Variants in ATP6V1E1 observed in about 807,000 individuals in gnomAD.
ATP6V1E1 encodes V-type proton ATPase subunit E 1.
Under a neutral mutation model 35.2 loss-of-function variants are expected in ATP6V1E1, and 21 were observed. The observed-to-expected ratio is 0.60, with a 90% CI of 0.42 to 0.86. The LOEUF (loss-of-function observed/expected upper bound fraction) is 0.86, where lower values mean the gene tolerates loss of function less well. Among genes scored for constraint, ATP6V1E1 ranks in the 40% least tolerant of loss-of-function variants. The pLI, the probability that ATP6V1E1 is intolerant of heterozygous loss-of-function variation, is 0.00. For synonymous variants in ATP6V1E1, 83 were observed against 87.8 expected (o/e 0.95, Z 0.30); for missense variants, 183 against 272.6 (o/e 0.67, Z 2.32).
chr22:17,613,113 CGAGTT>C, intron 3 of ATP6V1E1, 93 bp downstream of exon 3: 1 of 1,033,836 alleles, frequency 9.7e-7, no homozygotes, highest in Non-Finnish European at 1.4e-6. Flanking sequence ...AGTAGGTGGT[CGAGTT>C]AAGACCTGAA....
intron 4 of ATP6V1E1, among the ~76,000 whole-genome samples, chr22:17,610,422 T>C (rs779767395): frequency 6.6e-6 from 1 of 152,210 alleles, no homozygotes; most frequent in Non-Finnish European, 1.5e-5. Flanking sequence ...CATCAGAGAA[T>C]GTATCATCAA....
rs370275733 is a variant in ATP6V1E1 at position 17,601,084 on chromosome 22, G to A, written c.366+8C>T. 2.5e-6 allele frequency: 4 copies of A among 1,610,442 alleles called. No homozygotes were observed. The highest frequency in any genetic ancestry group is 3.4e-6 in the Non-Finnish European group (4 of 1,178,228). On this transcript the variant is annotated splice_region_variant and intron_variant, in intron 5 of 8. Coordinates refer to ENST00000253413, the MANE Select transcript of ATP6V1E1 (RefSeq NM_001696.4). ...GCTATCAACAGTAGATCTGGTCTATGAGGGTACCTGGAGAACCAGTCCATC... is the reference window on the plus strand; with the variant it reads ...GCTATCAACAGTAGATCTGGTCTATAAGGGTACCTGGAGAACCAGTCCATC...
chr22:17,611,525 C>T (rs897933339), intron 4 of ATP6V1E1, among the ~76,000 whole-genome samples: 2 of 152,208 alleles, frequency 1.3e-5, no homozygotes. Flanking sequence ...CTGACACTTA[C>T]ATCTGGAGGT....
Position 17,598,231 on chromosome 22 carries a change from C to T in ATP6V1E1, c.493G>A (p.Val165Ile). ...AGGTAGGACTCCTGGTCAATTTGGA[C>T]ATCAACATCGTTTTTGGTGGCAATT... The part of the protein sequence containing the change: ...YKIATKNDVD[V>I]QIDQESYLPE... Residue 165 changes from valine (V) to isoleucine (I), a missense_variant, in exon 7 of 9, where the codon GTC becomes ATC. Transcript: ENST00000253413. 1 of 1,614,082 alleles carries T rather than the reference C, an allele frequency of 6.2e-7. No individual in the cohort carries two copies. Among genetic ancestry groups the T allele is most frequent in the Non-Finnish European group, 8.5e-7 (1 of 1,179,966 alleles).
At chr22:17,623,026 TTTTTG>T (rs2057885924) in intron 1 of ATP6V1E1, among the ~76,000 whole-genome samples, 1 of 152,178 alleles carries the variant, frequency 6.6e-6, no homozygotes, top group Non-Finnish European at 1.5e-5. Context: ...AGGGACAGTT[TTTTTG>T]TTTTATCAAA....
At chr22:17,608,896 C>T (rs1773139641) in intron 4 of ATP6V1E1, among the ~76,000 whole-genome samples, 1 of 152,110 alleles carries the variant, frequency 6.6e-6, no homozygotes, top group Non-Finnish European at 1.5e-5. Flanking sequence ...ACCATCCTGG[C>T]TAACACGGTG....
intron 2 of ATP6V1E1, among the ~76,000 whole-genome samples, chr22:17,615,360 A>G (rs1288791884): frequency 6.6e-6 from 1 of 152,118 alleles, no homozygotes; most frequent in Admixed American, 6.6e-5. Flanking sequence ...TTATACGTAA[A>G]CAGGCCAGGT....
intron 6 of ATP6V1E1, 42 bp downstream of exon 6, chr22:17,599,984 AG>A (rs752735608): frequency 1.8e-6 from 2 of 1,131,318 alleles, no homozygotes; most frequent in East Asian, 8.0e-5. Context: ...GAAGAAAGGG[AG>A]GGGGGAGGGA....
intron 6 of ATP6V1E1, 140 bp downstream of exon 6, chr22:17,599,887 T>G: frequency 4.5e-6 from 3 of 662,556 alleles, no homozygotes; most frequent in Non-Finnish European, 7.7e-6. Flanking sequence ...GATCCCGCCA[T>G]TGCACTCCAT....
chr22:17,628,791 T>G (rs1024755205), upstream of ATP6V1E1: 24 of 947,652 alleles, frequency 2.5e-5, no homozygotes, highest in African/African-American at 3.3e-5. Context: ...GCACAGTTCA[T>G]CCTCATGACC....
chr22:17,596,891 A>G (rs1601370623), intron 7 of ATP6V1E1, among the ~76,000 whole-genome samples: 2 of 152,078 alleles, frequency 1.3e-5, no homozygotes, highest in Admixed American at 1.3e-4. Flanking sequence ...CAAAAGGCCA[A>G]GATAGGACTC....
rs937613166 is a variant in ATP6V1E1, at chr22:17,594,541, G to C, written c.606C>G (p.Leu202=). The C allele has an allele frequency of 1.9e-6, 3 of 1,588,426 alleles. No individual in the cohort carries two copies. Among genetic ancestry groups the C allele is most frequent in the Middle Eastern group, 1.7e-4 (1 of 6,026 alleles). The change falls in exon 8 of 9, where the codon CTC becomes CTG. Residue 202 remains leucine (L), a synonymous_variant. Transcript: ENST00000253413. The stretch of plus-strand genomic sequence containing the variant: ...CCCCCACACTCACCTGCTGGGCTAT[G>C]AGATCCAGCCGGCTTTCCAGGGTGT... ...VSNTLESRLD[L]IAQQMMPEVR...
chr22:17,603,983 T>C (rs936694555), intron 4 of ATP6V1E1, among the ~76,000 whole-genome samples: 10 of 152,302 alleles, frequency 6.6e-5, no homozygotes, highest in Admixed American at 1.3e-4. Flanking sequence ...TACTAGCCAT[T>C]TGCATAAGGA....
chr22:17,613,460 G>A (rs997734466), intron 2 of ATP6V1E1, 140 bp from the exon 3 acceptor site: 2 of 692,196 alleles, frequency 2.9e-6, no homozygotes, highest in African/African-American at 3.7e-5. Context: ...CATTTTCAAG[G>A]ATTCTAATTT....
At chr22:17,615,116 C>T (rs2057836747) in intron 2 of ATP6V1E1, among the ~76,000 whole-genome samples, 1 of 151,820 alleles carries the variant, frequency 6.6e-6, no homozygotes, top group African/African-American at 2.4e-5. Context: ...GCCTGGCCAA[C>T]ATAGTGAAAC....
chr22:17,597,658 T>G (rs566848335), intron 7 of ATP6V1E1, among the ~76,000 whole-genome samples: 2 of 152,076 alleles, frequency 1.3e-5, no homozygotes, highest in African/African-American at 4.8e-5. Flanking sequence ...GATGCAGTCT[T>G]GCTCTGTCGC....
chr22:17,603,345 G>C (rs903957102), intron 4 of ATP6V1E1, among the ~76,000 whole-genome samples: 2 of 151,018 alleles, frequency 1.3e-5, no homozygotes, highest in African/African-American at 4.9e-5. Flanking sequence ...AACAGAGTGA[G>C]ACCTCGTCTC....
chr22:17,603,364 T>TAA (rs61291114), intron 4 of ATP6V1E1, among the ~76,000 whole-genome samples: 6 of 146,200 alleles, frequency 4.1e-5, no homozygotes, highest in South Asian at 2.2e-4. Flanking sequence ...TCTGTAAAAT[T>TAA]AAAAAAAAAA....
intron 4 of ATP6V1E1, among the ~76,000 whole-genome samples, chr22:17,611,055 C>T (rs150992013): frequency 6.4e-4 from 97 of 152,274 alleles, no homozygotes; most frequent in Non-Finnish European, 1.1e-3. Context: ...GCAGAGTTGA[C>T]ATTTAAACTC....
Sources: gnomAD v4.1 joint callset for allele counts (sites outside exome capture counted in the v4.1 genomes callset) on GRCh38, gnomAD v4.1.1 for gene constraint, MANE v1.5 for transcripts, NCBI Gene and HGNC (gene_info 2026-07-23, HGNC 2026-07-21) for gene names.